ARHGAP21: variants seen among roughly 807,000 people sequenced by gnomAD.
ARHGAP21 encodes the protein rho GTPase-activating protein 21.
A neutral mutation model predicts 164.6 loss-of-function variants in ARHGAP21; 38 were observed. The observed-to-expected ratio is 0.23, with a 90% CI of 0.18 to 0.30. The LOEUF (loss-of-function observed/expected upper bound fraction) is 0.30. Ranked by LOEUF, ARHGAP21 falls within the 10% of genes least tolerant of loss-of-function variation. ARHGAP21 has a pLI of 1.00. For missense variants in ARHGAP21, 1,822 were observed against 2,370.7 expected (o/e 0.77, Z 4.81); for synonymous variants, 766 against 857.9 (o/e 0.89, Z 1.87).
At position 24,633,385 on chromosome 10, in the gene ARHGAP21, T is replaced by C. The variant is rs375211394; in HGVS notation, c.440+17A>G. 13 of 1,564,842 alleles carry C rather than the reference T, an allele frequency of 8.3e-6. No homozygotes were observed. Among genetic ancestry groups the C allele is most frequent in the South Asian group, 4.5e-5 (4 of 88,898 alleles). ...TATAAAACCCATCTTTGGGTTTTAA[T>C]GTTTTAAGACTCTTACCTGTTTTGA... On this transcript the variant is annotated intron_variant, in intron 6 of 25. Transcript: ENST00000396432.
intron 14 of ARHGAP21, among the ~76,000 whole-genome samples, chr10:24,599,856 G>A (rs537232099): frequency 2.0e-5 from 3 of 152,246 alleles, no homozygotes; most frequent in South Asian, 2.1e-4. Flanking sequence ...ATGCTGGGCC[G>A]GGCGCGGTGG....
intron 11 of ARHGAP21, 133 bp from the exon 12 acceptor site, chr10:24,604,481 A>G (rs948716309): frequency 7.7e-6 from 4 of 519,710 alleles, no homozygotes; most frequent in Non-Finnish European, 1.3e-5. Context: ...TTAAATGTCC[A>G]CTATTCAATG....
intron 25 of ARHGAP21, 50 bp downstream of exon 25, chr10:24,589,221 C>T (rs137952198): frequency 8.6e-6 from 13 of 1,517,808 alleles, no homozygotes; most frequent in East Asian, 4.5e-5. Flanking sequence ...AACAATCAGC[C>T]GAAAAACAAT....
intron 4 of ARHGAP21, among the ~76,000 whole-genome samples, chr10:24,663,025 G>A (rs896772457): frequency 2.7e-5 from 4 of 149,764 alleles, no homozygotes; most frequent in African/African-American, 9.9e-5. Flanking sequence ...CAAAAGCTGT[G>A]TTTCCAATAC....
At chr10:24,631,093 C>T (rs1835809841) in intron 6 of ARHGAP21, among the ~76,000 whole-genome samples, 1 of 152,132 alleles carries the variant, frequency 6.6e-6, no homozygotes, top group African/African-American at 2.4e-5. Flanking sequence ...ACAGATATGG[C>T]AAAGGTGCCG....
chr10:24,648,644 G>A (rs1016440405), intron 4 of ARHGAP21, among the ~76,000 whole-genome samples: 1 of 152,122 alleles, frequency 6.6e-6, no homozygotes, highest in Non-Finnish European at 1.5e-5. Flanking sequence ...GCCAGGCGTG[G>A]TGGTAGGTGC....
intron 2 of ARHGAP21, among the ~76,000 whole-genome samples, chr10:24,687,982 G>A (rs541566449): frequency 2.0e-5 from 3 of 152,348 alleles, no homozygotes; most frequent in African/African-American, 7.2e-5. Flanking sequence ...TGAGTTATCA[G>A]TAATACTATA....
chr10:24,714,899 G>A (rs1209451784), intron 2 of ARHGAP21, among the ~76,000 whole-genome samples: 8 of 151,914 alleles, frequency 5.3e-5, no homozygotes, highest in Non-Finnish European at 8.8e-5. Flanking sequence ...GCATGGTGGC[G>A]GGCGCCTGTA....
intron 2 of ARHGAP21, among the ~76,000 whole-genome samples, chr10:24,711,981 T>C (rs1273975180): frequency 6.6e-6 from 1 of 152,160 alleles, no homozygotes; most frequent in Non-Finnish European, 1.5e-5. Flanking sequence ...TGGCTCCATC[T>C]GGGCTCACCA....
chr10:24,682,964 C>A (rs745779158), intron 2 of ARHGAP21, among the ~76,000 whole-genome samples: 2 of 151,800 alleles, frequency 1.3e-5, no homozygotes, highest in Non-Finnish European at 2.9e-5. Context: ...GGCGTGGTGG[C>A]GGACACCTGT....
intron 4 of ARHGAP21, among the ~76,000 whole-genome samples, chr10:24,655,671 G>A (rs540230032): frequency 3.0e-4 from 43 of 142,270 alleles, no homozygotes; most frequent in African/African-American, 7.6e-4. Context: ...CTGCCTGGCC[G>A]CCCATCGTCT....
At chr10:24,662,606 A>G (rs1041373127) in intron 4 of ARHGAP21, among the ~76,000 whole-genome samples, 5 of 152,238 alleles carry the variant, frequency 3.3e-5, no homozygotes, top group African/African-American at 4.8e-5. Context: ...TCTTCCAAAT[A>G]TATTACAATT....
At chr10:24,704,130 C>T (rs1843975764) in intron 2 of ARHGAP21, among the ~76,000 whole-genome samples, 1 of 152,078 alleles carries the variant, frequency 6.6e-6, no homozygotes, top group Non-Finnish European at 1.5e-5. Context: ...TTGTCTAACC[C>T]CTGACTGTGA....
At chr10:24,670,491 C>T (rs760095646) in intron 2 of ARHGAP21, 94 bp from the exon 3 acceptor site, 23 of 721,482 alleles carry the variant, frequency 3.2e-5, no homozygotes, top group East Asian at 6.6e-5. Flanking sequence ...ACCTGAGCGC[C>T]GATATGAACT....
intron 2 of ARHGAP21, among the ~76,000 whole-genome samples, chr10:24,686,740 C>T (rs1380842088): frequency 6.6e-6 from 1 of 152,204 alleles, no homozygotes; most frequent in Non-Finnish European, 1.5e-5. Context: ...TTACCTTTCA[C>T]ATCCAGTTGC....
intron 2 of ARHGAP21, among the ~76,000 whole-genome samples, chr10:24,717,387 G>T (rs1339532946): frequency 6.6e-6 from 1 of 152,186 alleles, no homozygotes; most frequent in Non-Finnish European, 1.5e-5. Context: ...CTCTTATAGG[G>T]ACTGCAATCC....
chr10:24,708,102 T>C (rs1032125469), intron 2 of ARHGAP21, among the ~76,000 whole-genome samples: 42 of 152,230 alleles, frequency 2.8e-4, no homozygotes, highest in Non-Finnish European at 1.0e-4. Context: ...ACAATGCTGC[T>C]GCTGGAAGCT....
At position 24,601,964 on chromosome 10, in the gene ARHGAP21, A is replaced by G. The variant is rs943183421; in HGVS notation, c.2847+14T>C. 1 of 1,551,406 alleles carries G rather than the reference A, an allele frequency of 6.4e-7. No homozygotes were observed. The highest frequency in any genetic ancestry group is 8.7e-7 in the Non-Finnish European group (1 of 1,143,920). ...GCATTTCTGACACTCAGGGTGGCTT[A>G]GAAAACACACTACCTTGCCCTTATC... On this transcript the variant is annotated intron_variant, in intron 13 of 25. Coordinates refer to ENST00000396432, the MANE Select transcript of ARHGAP21 (RefSeq NM_020824.4).
chr10:24,605,957 A>G (rs2130966280), intron 11 of ARHGAP21, among the ~76,000 whole-genome samples: 1 of 152,320 alleles, frequency 6.6e-6, no homozygotes, highest in Non-Finnish European at 1.5e-5. Context: ...AATTAAATAC[A>G]TATGACTTAG....
Sources: gnomAD v4.1 joint callset for allele counts (sites outside exome capture counted in the v4.1 genomes callset) on GRCh38, gnomAD v4.1.1 for gene constraint, MANE v1.5 for transcripts, NCBI Gene and HGNC (gene_info 2026-07-23, HGNC 2026-07-21) for gene names.